Variants in NRXN1 observed in about 807,000 individuals in gnomAD.
NRXN1 encodes the protein neurexin 1.
Under a neutral mutation model 150.9 loss-of-function variants are expected in NRXN1, and 39 were observed. The observed-to-expected ratio is 0.26, with a 90% CI of 0.20 to 0.34. The LOEUF (loss-of-function observed/expected upper bound fraction) is 0.34, where lower values mean the gene tolerates loss of function less well. Among genes scored for constraint, NRXN1 ranks in the 10% least tolerant of loss-of-function variants. NRXN1 has a pLI of 1.00. For missense variants in NRXN1, 1,815 were observed against 1,949.9 expected, an observed-to-expected ratio of 0.93 and a Z score of 1.30; for synonymous variants, 924 against 757.0, an observed-to-expected ratio of 1.22 and a Z score of -3.62.
intron 2 of NRXN1, among the ~76,000 whole-genome samples, chr2:51,017,856 A>T (rs557393712): frequency 2.6e-5 from 4 of 152,206 alleles, no homozygotes; most frequent in African/African-American, 9.6e-5. Context: ...ACCAAAGTTA[A>T]AGAGCTTAAG....
intron 17 of NRXN1, chr2:50,463,960 G>C (rs922635538): frequency 4.6e-5 from 7 of 151,432 alleles, no homozygotes; most frequent in Non-Finnish European, 1.0e-4. Flanking sequence ...GATTGTCCTT[G>C]AAAATAAATT....
At chr2:50,516,159 C>T (rs1444504664) in intron 12 of NRXN1, among the ~76,000 whole-genome samples, 1 of 151,994 alleles carries the variant, frequency 6.6e-6, no homozygotes, top group African/African-American at 2.4e-5. Flanking sequence ...CTAAATTTTC[C>T]TTTTTCTGCC....
chr2:50,347,708 G>GA lies in NRXN1; in HGVS notation c.3365-110739dup, dbSNP rs1469338042. On this transcript the variant is annotated intron_variant, in intron 17 of 22. Coordinates refer to ENST00000401669, the MANE Select transcript of NRXN1 (RefSeq NM_001330078.2). The surrounding 1 kb of genome is among the most constrained non-coding windows in gnomAD (Gnocchi z 4.9). ...AGGCAGCTGAGAAGAAGATGCAGAC[G>GA]AAGGAGTAAGGGAGAGAAACAGAAA... 1 of 987,174 alleles carries GA rather than the reference G, an allele frequency of 1.0e-6. No individual in the cohort carries two copies. The highest frequency in any genetic ancestry group is 1.7e-5 in the African/African-American group (1 of 57,252). 61.2% of individuals were successfully genotyped at this position (987,174 alleles called of 1,614,324 possible). A position where few individuals can be genotyped will look rare whatever the true frequency, so the allele number is the denominator to read the frequency against.
chr2:50,193,704 A>G (rs1209523637), intron 18 of NRXN1, among the ~76,000 whole-genome samples: 1 of 152,178 alleles, frequency 6.6e-6, no homozygotes, highest in Non-Finnish European at 1.5e-5. Flanking sequence ...TACCCATTAT[A>G]AAATTTCTCA....
chr2:50,086,845 A>AGAGAGAGAGAGAGAGAGAGAAG (rs4032305), intron 19 of NRXN1, among the ~76,000 whole-genome samples: 197 of 150,926 alleles, frequency 1.3e-3, no homozygotes, highest in African/African-American at 4.6e-3. Context: ...AGAGAGAGAG[A>AGAGAGAGAGAGAGAGAGAGAAG]GAGAGCGAGC....
At chr2:50,026,641 T>A (rs1389472251) in intron 21 of NRXN1, among the ~76,000 whole-genome samples, 1 of 152,102 alleles carries the variant, frequency 6.6e-6, no homozygotes, top group African/African-American at 2.4e-5. Flanking sequence ...TAAAATTGCA[T>A]ACTCATAGAA....
chr2:50,817,671 A>G (rs1574580927), intron 5 of NRXN1, among the ~76,000 whole-genome samples: 1 of 152,066 alleles, frequency 6.6e-6, no homozygotes, highest in Non-Finnish European at 1.5e-5. Context: ...ACGAAGAGGG[A>G]TCTATTCCTG....
chr2:50,101,515 C>T (rs1700974587), intron 18 of NRXN1, among the ~76,000 whole-genome samples: 1 of 151,834 alleles, frequency 6.6e-6, no homozygotes, highest in Non-Finnish European at 1.5e-5. Context: ...AGCACAAAGC[C>T]CAACATTTTT....
intron 5 of NRXN1, among the ~76,000 whole-genome samples, chr2:50,640,008 G>A (rs1035517102): frequency 6.6e-5 from 10 of 152,168 alleles, no homozygotes; most frequent in South Asian, 4.1e-4. Flanking sequence ...CAATCTTGAC[G>A]AGAAGTTAAT....
intron 17 of NRXN1, among the ~76,000 whole-genome samples, chr2:50,399,134 G>A (rs1055573780): frequency 1.3e-5 from 2 of 152,004 alleles, no homozygotes; most frequent in African/African-American, 2.4e-5. Context: ...GATTTTAAAG[G>A]GTTGAGTTTT....
At chr2:49,943,299 T>C (rs572167333) in intron 22 of NRXN1, among the ~76,000 whole-genome samples, 5 of 152,072 alleles carry the variant, frequency 3.3e-5, no homozygotes, top group African/African-American at 1.2e-4. Context: ...GCTGGCAGAG[T>C]GAGTGGTGGG....
chr2:50,018,408 G>T (rs894087522), intron 21 of NRXN1, among the ~76,000 whole-genome samples: 21 of 152,082 alleles, frequency 1.4e-4, no homozygotes, highest in African/African-American at 5.1e-4. Flanking sequence ...TAGAATGGGG[G>T]ACCAATGGAA....
chr2:50,613,677 G>A (rs1003278020), intron 8 of NRXN1, among the ~76,000 whole-genome samples: 14 of 152,234 alleles, frequency 9.2e-5, no homozygotes, highest in East Asian at 1.9e-4. Context: ...GGTGGCTCAC[G>A]CCTGTAATCC....
At chr2:50,822,629 G>T (rs72837094) in intron 5 of NRXN1, among the ~76,000 whole-genome samples, 5,131 of 152,098 alleles carry the variant, frequency 0.034, 167 homozygotes, top group East Asian at 0.081. Context: ...TGTGAATGCT[G>T]AGAAAAAGAG....
intron 17 of NRXN1, among the ~76,000 whole-genome samples, chr2:50,290,183 T>G (rs2072734390): frequency 6.6e-6 from 1 of 152,170 alleles, no homozygotes; most frequent in Non-Finnish European, 1.5e-5. Context: ...GAAGCTCATT[T>G]GCGCAAAATA....
chr2:50,686,739 C>T (rs540966543), intron 5 of NRXN1, among the ~76,000 whole-genome samples: 21 of 152,224 alleles, frequency 1.4e-4, no homozygotes, highest in African/African-American at 4.1e-4. Flanking sequence ...TTAAAGGTAA[C>T]GGGTAGAGAC....
At chr2:50,066,245 T>G (rs116322874) in intron 19 of NRXN1, among the ~76,000 whole-genome samples, 3 of 152,296 alleles carry the variant, frequency 2.0e-5, no homozygotes, top group African/African-American at 7.2e-5. Flanking sequence ...AAGGCACACA[T>G]CAATACATCA....
chr2:50,366,894 A>T (rs972348918), intron 17 of NRXN1, among the ~76,000 whole-genome samples: 3 of 152,002 alleles, frequency 2.0e-5, no homozygotes, highest in African/African-American at 7.2e-5. Context: ...TTCTTATTCA[A>T]TTTGAAAACT....
At chr2:50,941,500 T>C (rs1280423939) in intron 2 of NRXN1, among the ~76,000 whole-genome samples, 1 of 152,018 alleles carries the variant, frequency 6.6e-6, no homozygotes, top group Non-Finnish European at 1.5e-5. Context: ...GCTGAGGTGG[T>C]CTCAGATGAA....
Sources: gnomAD v4.1 joint callset for allele counts (sites outside exome capture counted in the v4.1 genomes callset) on GRCh38, gnomAD v4.1.1 for gene constraint, Gnocchi (gnomAD v3.1) non-coding constraint, MANE v1.5 for transcripts, NCBI Gene and HGNC (gene_info 2026-07-23, HGNC 2026-07-21) for gene names.